Variants in SERGEF observed in about 807,000 individuals in gnomAD.
SERGEF encodes secretion-regulating guanine nucleotide exchange factor.
SERGEF carries 51 observed loss-of-function variants against 50.0 expected under a neutral mutation model. The observed-to-expected ratio is 1.02, with a 90% confidence interval of 0.81 to 1.29. The LOEUF (loss-of-function observed/expected upper bound fraction) is 1.29, where lower values mean the gene tolerates loss of function less well. SERGEF is among the 50% of genes most tolerant of loss of function. The probability of loss-of-function intolerance (pLI) is 0.00; values close to 1 mark genes in which losing one functional copy is unlikely to be tolerated. For synonymous variants in SERGEF, 205 were observed against 212.4 expected, an observed-to-expected ratio of 0.97 and a Z score of 0.30; for missense variants, 521 against 557.0, an observed-to-expected ratio of 0.94 and a Z score of 0.65.
intron 10 of SERGEF, among the ~76,000 whole-genome samples, chr11:17,823,691 T>C (rs1850126058): frequency 1.3e-5 from 2 of 152,230 alleles, no homozygotes; most frequent in Non-Finnish European, 1.5e-5. Flanking sequence ...TCTCCTCTCA[T>C]CACCTTGCTT....
chr11:17,839,507 C>A (rs558094710), intron 10 of SERGEF, among the ~76,000 whole-genome samples: 2 of 152,138 alleles, frequency 1.3e-5, no homozygotes, highest in Admixed American at 6.5e-5. Context: ...AGACTGAGTT[C>A]TTTGGGGAAA....
chr11:17,819,570 CT>C (rs2133842918), intron 10 of SERGEF, among the ~76,000 whole-genome samples: 1 of 152,320 alleles, frequency 6.6e-6, no homozygotes, highest in African/African-American at 2.4e-5. Context: ...GGTTCTTGAT[CT>C]TTTTCTACTC....
chr11:17,913,456 C>T (rs554838424), intron 9 of SERGEF, among the ~76,000 whole-genome samples: 58 of 152,320 alleles, frequency 3.8e-4, no homozygotes, highest in African/African-American at 7.5e-4. Context: ...AAATTAACAG[C>T]TCCAGACACT....
chr11:17,891,952 A>C (rs1851538755), intron 9 of SERGEF, among the ~76,000 whole-genome samples: 1 of 152,146 alleles, frequency 6.6e-6, no homozygotes, highest in Non-Finnish European at 1.5e-5. Context: ...CTTTTTTCCA[A>C]GTGGGCAAAA....
At chr11:17,879,083 G>A (rs767245298) in intron 9 of SERGEF, among the ~76,000 whole-genome samples, 1 of 152,188 alleles carries the variant, frequency 6.6e-6, no homozygotes, top group African/African-American at 2.4e-5. Context: ...ATTGGACAAG[G>A]CCTGGGATTC....
chr11:17,871,532 C>T (rs549686), intron 10 of SERGEF, among the ~76,000 whole-genome samples: 6 of 150,248 alleles, frequency 4.0e-5, no homozygotes, highest in Non-Finnish European at 5.9e-5. Context: ...TATTCAACAA[C>T]GGACTGGAAT....
chr11:17,833,228 G>C (rs1288125288), intron 10 of SERGEF, among the ~76,000 whole-genome samples: 1 of 152,202 alleles, frequency 6.6e-6, no homozygotes, highest in Non-Finnish European at 1.5e-5. Flanking sequence ...AGCACTGGCT[G>C]AAAGGGGCCA....
At chr11:17,880,393 A>G (rs1851314730) in intron 9 of SERGEF, among the ~76,000 whole-genome samples, 2 of 152,218 alleles carry the variant, frequency 1.3e-5, no homozygotes, top group African/African-American at 4.8e-5. Flanking sequence ...ATGTCGAACA[A>G]TTGGGAAATG....
chr11:17,803,018 C>T (rs1157680711), intron 10 of SERGEF, among the ~76,000 whole-genome samples: 3 of 152,230 alleles, frequency 2.0e-5, no homozygotes, highest in Non-Finnish European at 2.9e-5. Context: ...TTTGTTTTAG[C>T]AATGAAGAGT....
intron 10 of SERGEF, among the ~76,000 whole-genome samples, chr11:17,828,607 T>C (rs899564155): frequency 6.6e-6 from 1 of 152,240 alleles, no homozygotes; most frequent in Admixed American, 6.5e-5. Context: ...GCTTTTACTC[T>C]ACAAGACAGA....
At position 17,840,662 on chromosome 11, in the gene SERGEF, A is replaced by G. The variant is rs151272078; in HGVS notation, c.1048+37546T>C. 3.0e-3 allele frequency among the ~76,000 whole-genome samples: 453 copies of G among 152,208 alleles called. 1 individual carries two copies. Among genetic ancestry groups the G allele is most frequent in the African/African-American group, 0.01 (418 of 41,548 alleles). On this transcript the variant is annotated intron_variant, in intron 10 of 10. Transcript: ENST00000265965. ...GGGAGACTGCAGAAGAGAGGCCCCC[A>G]AAGACAGATTGAAGAGTTGCAGCTG...
chr11:17,918,194 T>C (rs1398417992), intron 9 of SERGEF, among the ~76,000 whole-genome samples: 1 of 152,218 alleles, frequency 6.6e-6, no homozygotes, highest in Non-Finnish European at 1.5e-5. Flanking sequence ...AGATACCACC[T>C]GCCTGCTGGT....
chr11:17,882,982 A>C (rs1023275746), intron 9 of SERGEF, among the ~76,000 whole-genome samples: 2 of 152,350 alleles, frequency 1.3e-5, no homozygotes, highest in Admixed American at 1.3e-4. Context: ...GAAGGGGGAC[A>C]CAACTCCCCA....
chr11:18,004,609 G>A, intron 3 of SERGEF, 74 bp from the exon 4 acceptor site: 1 of 1,020,598 alleles, frequency 9.8e-7, no homozygotes, highest in Non-Finnish European at 1.5e-6. Flanking sequence ...ATGCTGCAGG[G>A]TGAGAGATGC....
chr11:17,877,353 CA>C (rs1293194342), intron 10 of SERGEF, among the ~76,000 whole-genome samples: 2 of 152,156 alleles, frequency 1.3e-5, no homozygotes, highest in Non-Finnish European at 2.9e-5. Context: ...TAGCGGAGGG[CA>C]ATTACTTTAA....
At chr11:17,987,977 C>A (rs1363289539) in intron 8 of SERGEF, among the ~76,000 whole-genome samples, 2 of 152,000 alleles carry the variant, frequency 1.3e-5, no homozygotes, top group African/African-American at 4.8e-5. Context: ...AATCTGAGGA[C>A]AAAGTTAACA....
At position 18,012,970 on chromosome 11, in the gene SERGEF, GCCGCGGGGGCGGCCTCCGAGGC is replaced by G; in HGVS notation, c.19_40del (p.Ala7ArgfsTer29). ...ACGTACCCAGGCGAAGAGCGCGGCC[GCCGCGGGGGCGGCCTCCGAGGC>G]GCTGGGCTCGCGCTCCATGCGAGGA... is the stretch of plus-strand genomic sequence containing the variant. On this transcript the variant is annotated frameshift_variant, in exon 1 of 11. Coordinates refer to ENST00000265965, the MANE Select transcript of SERGEF (RefSeq NM_012139.4). LOFTEE classifies it high-confidence loss of function. The G allele has an allele frequency of 6.8e-7, 1 of 1,473,656 alleles. No individual in the cohort carries two copies. Among genetic ancestry groups the G allele is most frequent in the Non-Finnish European group, 8.9e-7 (1 of 1,122,026 alleles). The allele number at this position is 1,473,656 out of a possible 1,614,324, so 91.3% of individuals were successfully genotyped here.
At chr11:17,993,300 A>T (rs150340961) in intron 6 of SERGEF, among the ~76,000 whole-genome samples, 9 of 152,386 alleles carry the variant, frequency 5.9e-5, no homozygotes, top group South Asian at 2.1e-4. Flanking sequence ...TTGGATAGTA[A>T]TTGGAAAAAT....
At chr11:17,832,021 G>C (rs1220423592) in intron 10 of SERGEF, among the ~76,000 whole-genome samples, 1 of 152,224 alleles carries the variant, frequency 6.6e-6, no homozygotes, top group East Asian at 1.9e-4. Context: ...CACTATATCT[G>C]AAGCTAGAAG....
Sources: gnomAD v4.1 joint callset for allele counts (sites outside exome capture counted in the v4.1 genomes callset) on GRCh38, gnomAD v4.1.1 for gene constraint, MANE v1.5 for transcripts, NCBI Gene and HGNC (gene_info 2026-07-23, HGNC 2026-07-21) for gene names.